Variants in EEF1B2 observed in about 807,000 individuals in gnomAD.
EEF1B2 encodes eukaryotic translation elongation factor 1 beta 2, also known as elongation factor 1-beta.
EEF1B2 carries 12 observed loss-of-function variants against 28.3 expected under a neutral mutation model. That is an observed-to-expected ratio of 0.42 (90% CI 0.27 to 0.69). The LOEUF (loss-of-function observed/expected upper bound fraction) is 0.69, where lower values mean the gene tolerates loss of function less well. Ranked by LOEUF, EEF1B2 falls within the 30% of genes least tolerant of loss-of-function variation. EEF1B2 has a pLI of 0.22. For missense variants in EEF1B2, 234 were observed against 272.6 expected, an observed-to-expected ratio of 0.86 and a Z score of 1.00; for synonymous variants, 83 against 99.9, an observed-to-expected ratio of 0.83 and a Z score of 1.01.
upstream of EEF1B2, chr2:206,159,789 TGGA>T (rs1049654948): frequency 1.4e-4 from 76 of 554,398 alleles, no homozygotes; most frequent in Middle Eastern, 1.0e-3. Flanking sequence ...AATTCGTACG[TGGA>T]GAAGTGGGAA....
In EEF1B2 at chr2:206,159,963, C is replaced by G; in HGVS notation, c.-17C>G. The G allele has an allele frequency of 6.2e-7, 1 of 1,609,874 alleles. No homozygotes were observed. The highest frequency in any genetic ancestry group is 8.5e-7 in the Non-Finnish European group (1 of 1,178,890). On this transcript the variant is annotated 5_prime_UTR_variant, in exon 1 of 6. Transcript: ENST00000392222. ...TCTCTTTCTGCTGCTCCCCAGCTCT[C>G]GGATACAGCCGACACCATGGGTTTC...
intron 1 of EEF1B2, 93 bp downstream of exon 1, chr2:206,160,152 G>C: frequency 7.3e-7 from 1 of 1,369,796 alleles, no homozygotes; most frequent in Non-Finnish European, 9.5e-7. Flanking sequence ...GCGGGAGGGA[G>C]GGAGGCCGGG....
At chr2:206,161,087 A>C (rs1687915680) in intron 2 of EEF1B2, 1 of 573,112 alleles carries the variant, frequency 1.7e-6, no homozygotes, top group Admixed American at 3.0e-5. Context: ...GAGCATACTT[A>C]ATGAAATCTC....
chr2:206,160,098 C>T (rs1252290874), intron 1 of EEF1B2, 39 bp downstream of exon 1: 3 of 1,602,046 alleles, frequency 1.9e-6, no homozygotes, highest in African/African-American at 1.4e-5. Context: ...GGGGAGGTTT[C>T]TCCGCCCGGG....
chr2:206,159,926 C>T lies in EEF1B2; in HGVS notation c.-54C>T, dbSNP rs1687851802. ...TCCTCTCTTCAGCGTGGGGCGCCCA[C>T]AATTTGCGCGCTCTCTTTCTGCTGC... On this transcript the variant is annotated 5_prime_UTR_variant, in exon 1 of 6. Coordinates refer to ENST00000392222, the MANE Select transcript of EEF1B2 (RefSeq NM_001959.4). 1 of 1,590,410 alleles carries T rather than the reference C, an allele frequency of 6.3e-7. No individual in the cohort carries two copies. The highest frequency in any genetic ancestry group is 8.6e-7 in the Non-Finnish European group (1 of 1,168,854).
upstream of EEF1B2, chr2:206,159,635 A>G (rs1041406004): frequency 1.7e-5 from 4 of 233,324 alleles, no homozygotes; most frequent in East Asian, 9.6e-5. Context: ...GTCTTCGGTC[A>G]TCTCCGGCGC....
In EEF1B2 at chr2:206,162,080, C is replaced by G; in HGVS notation, c.373C>G (p.Gln125Glu). 1 of 1,613,962 alleles carries G rather than the reference C, an allele frequency of 6.2e-7. No individual in the cohort carries two copies. The highest frequency in any genetic ancestry group is 8.5e-7 in the Non-Finnish European group (1 of 1,179,952). Residue 125 changes from glutamine (Q) to glutamate (E), a missense_variant, in exon 4 of 6, where the codon CAA becomes GAA. Transcript: ENST00000392222. Reference sequence around the variant, plus strand: ...GAGGCTAAGGGAAGAACGTCTTGCACAATATGAATCAAAGAAAGCCAAAAG... The same window carrying G: ...GAGGCTAAGGGAAGAACGTCTTGCAGAATATGAATCAAAGAAAGCCAAAAG... The part of the protein sequence containing the change: ...AKRLREERLA[Q>E]YESKKAKKPA...
chr2:206,160,451 A>G (rs1212588029), intron 1 of EEF1B2, 137 bp from the exon 2 acceptor site: 1 of 1,458,410 alleles, frequency 6.9e-7, no homozygotes, highest in African/African-American at 1.4e-5. Flanking sequence ...GAAGGAGCTA[A>G]TAAGAAAAGA....
At chr2:206,160,080 G>T (rs758349308) in intron 1 of EEF1B2, 21 bp downstream of exon 1, 1 of 1,607,508 alleles carries the variant, frequency 6.2e-7, no homozygotes, top group African/African-American at 1.3e-5. Flanking sequence ...GGGCTGAGTC[G>T]GGGTGGCGGG....
intron 4 of EEF1B2, 172 bp from the exon 5 acceptor site, chr2:206,162,317 C>T (rs1687957527): frequency 8.1e-7 from 1 of 1,241,616 alleles, no homozygotes; most frequent in South Asian, 1.2e-5. Flanking sequence ...ACACCTCTTT[C>T]TTAGCAAAAC....
intron 1 of EEF1B2, 40 bp downstream of exon 1, chr2:206,160,099 T>C: frequency 6.2e-7 from 1 of 1,600,018 alleles, no homozygotes; most frequent in East Asian, 2.3e-5. Flanking sequence ...GGGAGGTTTC[T>C]CCGCCCGGGG....
At chr2:206,161,707 T>A (rs1171739349) in intron 3 of EEF1B2, 1 of 549,356 alleles carries the variant, frequency 1.8e-6, no homozygotes, top group Non-Finnish European at 3.2e-6. Context: ...GAAGCGGAGG[T>A]TGCAGTGAGC....
Position 206,162,506 on chromosome 2 carries a change from A to C in EEF1B2, c.415A>C (p.Lys139Gln). 2 of 1,612,770 alleles carry C rather than the reference A, an allele frequency of 1.2e-6. No homozygotes were observed. Among genetic ancestry groups the C allele is most frequent in the Non-Finnish European group, 1.7e-6 (2 of 1,179,872 alleles). ...GTTTTTAGAACCTGCACTTGTTGCCAAGTCTTCCATCTTACTAGATGTGAA... is the reference window on the plus strand; with the variant it reads ...GTTTTTAGAACCTGCACTTGTTGCCCAGTCTTCCATCTTACTAGATGTGAA... The part of the protein sequence containing the change: ...KKAKKPALVA[K>Q]SSILLDVKPW... The change falls in exon 5 of 6, where the codon AAG (lysine) becomes CAG (glutamine). Residue 139 changes from lysine to glutamine, a missense_variant. Lys to Gln is a moderately conservative substitution (Grantham distance 53, BLOSUM62 1). Transcript: ENST00000392222.
upstream of EEF1B2, chr2:206,159,673 G>C (rs1687839186): frequency 3.8e-6 from 1 of 262,572 alleles, no homozygotes; most frequent in African/African-American, 2.2e-5. Context: ...GTCATCTTCG[G>C]GAGCCGTGGA....
chr2:206,160,370 A>AGTATTTG (rs1374821609), intron 1 of EEF1B2, among the ~76,000 whole-genome samples: 2 of 152,216 alleles, frequency 1.3e-5, no homozygotes, highest in African/African-American at 4.8e-5. Flanking sequence ...CAGACATTGC[A>AGTATTTG]GTATTTGAGG....
chr2:206,161,779 A>G, intron 3 of EEF1B2: 1 of 623,680 alleles, frequency 1.6e-6, no homozygotes, highest in Non-Finnish European at 2.9e-6. Context: ...AAAAAAAAAA[A>G]AAAAGAATAC....
At chr2:206,159,702 G>A (rs965915707), upstream of EEF1B2, 1 of 335,852 alleles carries the variant, frequency 3.0e-6, no homozygotes. Context: ...CTTAAGACAT[G>A]CCTATTTTAT....
intron 1 of EEF1B2, 62 bp from the exon 2 acceptor site, chr2:206,160,519 GTATTTAT>G: frequency 6.2e-7 from 1 of 1,611,122 alleles, no homozygotes. Flanking sequence ...GATGCATACG[GTATTTAT>G]TATTTATTCG....
At chr2:206,160,313 G>T (rs1687876213) in intron 1 of EEF1B2, among the ~76,000 whole-genome samples, 1 of 152,202 alleles carries the variant, frequency 6.6e-6, no homozygotes, top group Admixed American at 6.5e-5. Context: ...AGGTGTTTCC[G>T]CATCGCTGCC....
Sources: gnomAD v4.1 joint callset for allele counts (sites outside exome capture counted in the v4.1 genomes callset) on GRCh38, gnomAD v4.1.1 for gene constraint, MANE v1.5 for transcripts, NCBI Gene and HGNC (gene_info 2026-07-23, HGNC 2026-07-21) for gene names.